NEK5: variants seen among roughly 807,000 people sequenced by gnomAD.
The protein encoded by NEK5 is NIMA related kinase 5, also known as serine/threonine-protein kinase Nek5.
NEK5 carries 88 observed loss-of-function variants against 109.2 expected under a neutral mutation model. The ratio of observed to expected loss-of-function variants is 0.81; its 90% CI spans 0.68 to 0.96. NEK5 has a LOEUF of 0.96. Ranked by LOEUF, NEK5 falls within the 40% of genes least tolerant of loss-of-function variation. NEK5 has a pLI of 0.00. For synonymous variants in NEK5, 283 were observed against 299.9 expected (o/e 0.94, Z 0.58); for missense variants, 834 against 920.7 (o/e 0.91, Z 1.22).
chr13:52,079,752 C>T (rs9568697), intron 17 of NEK5, among the ~76,000 whole-genome samples: 57,211 of 129,314 alleles, frequency 0.44, 11,459 homozygotes, highest in Non-Finnish European at 0.54. Flanking sequence ...CGTCTCTGCC[C>T]GGCCGCCCAT....
intron 13 of NEK5, 118 bp from the exon 14 acceptor site, chr13:52,089,431 C>A: frequency 1.6e-6 from 1 of 631,172 alleles, no homozygotes. Flanking sequence ...CTTGAAGTTC[C>A]AAGTTCAAGA....
At chr13:52,123,839 G>C (rs935082336) in intron 3 of NEK5, among the ~76,000 whole-genome samples, 1 of 143,926 alleles carries the variant, frequency 6.9e-6, no homozygotes, top group African/African-American at 2.4e-5. Context: ...GCTCAGCCTT[G>C]AACAAGTGGG....
At position 52,085,888 on chromosome 13, in the gene NEK5, T is replaced by C. The variant is rs140797622; in HGVS notation, c.1479+389A>G. Reference sequence around the variant, plus strand: ...CTGCAGAGAGTTGAAAAAATGCTAGTGTGTTGGGTTTGTTTTTTTCCCACC... The same window carrying C: ...CTGCAGAGAGTTGAAAAAATGCTAGCGTGTTGGGTTTGTTTTTTTCCCACC... On this transcript the variant is annotated intron_variant, in intron 16 of 23. Coordinates refer to ENST00000684899, the MANE Select transcript of NEK5 (RefSeq NM_001365552.1). Among the ~76,000 whole-genome samples, 5 of 152,272 alleles carry C rather than the reference T, an allele frequency of 3.3e-5. No individual in the cohort carries two copies. The East Asian group carries it at 9.6e-4, about 29-fold the overall frequency.
chr13:52,061,901 C>A lies in NEK5; in HGVS notation c.2028G>T (p.Arg676=), dbSNP rs950262783. ...EGIPGNRKQW[R]HEAPGTLMSV... ...TCATTAAAGTTCCTGGAGCTTCATGCCGCCACTGTTTCCTGTTTCCTGGAA... is the reference window on the plus strand; with the variant it reads ...TCATTAAAGTTCCTGGAGCTTCATGACGCCACTGTTTCCTGTTTCCTGGAA... Residue 676 remains arginine, a synonymous_variant, in exon 22 of 24, where the codon CGG becomes CGT. Transcript: ENST00000684899. 4 of 980,588 alleles carry A rather than the reference C, an allele frequency of 4.1e-6. No individual in the cohort carries two copies. Among genetic ancestry groups the A allele is most frequent in the Non-Finnish European group, 4.8e-6 (4 of 825,054 alleles). 60.7% of individuals were successfully genotyped at this position (980,588 alleles called of 1,614,324 possible).
chr13:52,057,333 G>C (rs1370294564), intron 22 of NEK5, among the ~76,000 whole-genome samples: 1 of 151,116 alleles, frequency 6.6e-6, no homozygotes, highest in East Asian at 1.9e-4. Flanking sequence ...AAGAGTCCAG[G>C]ACCAGATGGA....
chr13:52,106,197 C>T (rs969069966), intron 8 of NEK5, among the ~76,000 whole-genome samples: 2 of 151,796 alleles, frequency 1.3e-5, no homozygotes, highest in Non-Finnish European at 2.9e-5. Context: ...AAAAAAATCC[C>T]TGTTATTTTA....
At chr13:52,107,964 T>C (rs1233752427) in intron 8 of NEK5, among the ~76,000 whole-genome samples, 3 of 152,190 alleles carry the variant, frequency 2.0e-5, no homozygotes, top group Non-Finnish European at 4.4e-5. Flanking sequence ...AATCAGTATG[T>C]CTTTAAATGA....
chr13:52,078,061 C>T (rs367577816), intron 17 of NEK5, among the ~76,000 whole-genome samples: 3 of 146,448 alleles, frequency 2.0e-5, no homozygotes, highest in East Asian at 2.0e-4. Flanking sequence ...GCAACAAGGG[C>T]GAAACTTGTC....
At chr13:52,073,353 T>C (rs1008130072) in intron 19 of NEK5, among the ~76,000 whole-genome samples, 5 of 151,750 alleles carry the variant, frequency 3.3e-5, no homozygotes, top group Non-Finnish European at 5.9e-5. Context: ...TCTCACTCTG[T>C]TGCCCAGGCT....
At chr13:52,090,903 G>A (rs1360844168) in intron 13 of NEK5, among the ~76,000 whole-genome samples, 2 of 152,104 alleles carry the variant, frequency 1.3e-5, no homozygotes, top group African/African-American at 2.4e-5. Context: ...GCAGGCGCCT[G>A]TAGTCCCAGC....
chr13:52,033,887 T>C lies in NEK5; in HGVS notation c.*3061A>G, dbSNP rs1954332203. On this transcript the variant is annotated 3_prime_UTR_variant, in exon 24 of 24. Transcript: ENST00000684899. The stretch of plus-strand genomic sequence containing the variant: ...ACAATAGAAAAGTTAATTATATAAC[T>C]ACAACACGAAACACAAATTTTTAGA... 6.6e-6 allele frequency: 1 copy of C among 152,232 alleles called. No homozygotes were observed. The allele number at this position is 152,232 out of a possible 1,614,324, so 9.4% of individuals were successfully genotyped here. A position where few individuals can be genotyped will look rare whatever the true frequency, so the allele number is the denominator to read the frequency against.
Position 52,077,295 on chromosome 13 carries a change from G to A in NEK5, c.1573-1152C>T, listed in dbSNP as rs560992738. Among the ~76,000 whole-genome samples the A allele has an allele frequency of 1.8e-4, 27 of 152,218 alleles. No homozygotes were observed. The South Asian group carries it at 3.5e-3, about 20-fold the overall frequency. On this transcript the variant is annotated intron_variant, in intron 17 of 23. Transcript: ENST00000684899. Reference sequence around the variant, plus strand: ...AGTATCAGAAACCAGATTTAATTCCGCACCTGAAACAACCAAAGAGCCAAA... The same window carrying A: ...AGTATCAGAAACCAGATTTAATTCCACACCTGAAACAACCAAAGAGCCAAA...
rs760533265 is a variant in NEK5, at chr13:52,102,243, T to G, written c.659A>C (p.His220Pro). Reference sequence around the variant, plus strand: ...AAACCCCGGAGATATTGGGGCAAAATGTGCTTGACAAATCTTCAGAACCAG... The same window carrying G: ...AAACCCCGGAGATATTGGGGCAAAAGGTGCTTGACAAATCTTCAGAACCAG... ...QQLVLKICQA[H>P]FAPISPGFSR... The change falls in exon 10 of 24, where the codon CAT (histidine) becomes CCT (proline). Residue 220 changes from histidine (H) to proline (P), a missense_variant. Around this residue, in one of 2 missense-constraint regions of NEK5, gnomAD observed 777 missense variants for 824.7 expected, o/e 0.94. Transcript: ENST00000684899. The G allele has an allele frequency of 3.7e-6, 6 of 1,614,104 alleles. No individual in the cohort carries two copies. Among genetic ancestry groups the G allele is most frequent in the Non-Finnish European group, 5.1e-6 (6 of 1,180,014 alleles).
At chr13:52,106,989 C>T (rs986365367) in intron 8 of NEK5, among the ~76,000 whole-genome samples, 5 of 151,986 alleles carry the variant, frequency 3.3e-5, no homozygotes, top group African/African-American at 1.2e-4. Context: ...GTCACCAGAC[C>T]ACATTGTCTT....
chr13:52,087,730 A>G (rs968420935), intron 14 of NEK5, among the ~76,000 whole-genome samples: 1 of 151,568 alleles, frequency 6.6e-6, no homozygotes. Context: ...GGCTCAAGCA[A>G]TTGTCCTGTC....
chr13:52,121,477 G>T (rs9535874), intron 3 of NEK5, among the ~76,000 whole-genome samples: 7 of 152,220 alleles, frequency 4.6e-5, no homozygotes, highest in Non-Finnish European at 1.0e-4. Flanking sequence ...AATTCTTCTA[G>T]AAATTTATCC....
intron 22 of NEK5, among the ~76,000 whole-genome samples, chr13:52,050,600 C>T (rs1954495004): frequency 6.9e-6 from 1 of 145,400 alleles, no homozygotes; most frequent in African/African-American, 2.5e-5. Context: ...AAAGCACACA[C>T]ACACCTTCAT....
At chr13:52,101,173 C>T (rs1351335023) in intron 11 of NEK5, among the ~76,000 whole-genome samples, 3 of 152,032 alleles carry the variant, frequency 2.0e-5, no homozygotes, top group Admixed American at 6.6e-5. Flanking sequence ...CAGAGGCGGG[C>T]GGATCACGAG....
rs770559363 is a variant in NEK5, at chr13:52,127,469, T to A, written c.14A>T (p.Asp5Val). Residue 5 changes from aspartate to valine, a missense_variant, in exon 3 of 24, where the codon GAT (aspartate) becomes GTT (valine). Asp to Val is a radical substitution (Grantham distance 152, BLOSUM62 -3). Around this residue, in one of 2 missense-constraint regions of NEK5, gnomAD observed 777 missense variants for 824.7 expected, o/e 0.94. Coordinates refer to ENST00000684899, the MANE Select transcript of NEK5 (RefSeq NM_001365552.1). The stretch of plus-strand genomic sequence containing the variant: ...ACCTTGCCCGATGGCCTTAATCACA[T>A]CGTACTTATCCATGGTCTCCAATGG... MDKY[D>V]VIKAIGQGAF... 1.3e-6 allele frequency: 2 copies of A among 1,599,156 alleles called. No individual in the cohort carries two copies. The highest frequency in any genetic ancestry group is 2.7e-5 in the African/African-American group (2 of 74,600).
Sources: gnomAD v4.1 joint callset for allele counts (sites outside exome capture counted in the v4.1 genomes callset) on GRCh38, gnomAD v4.1.1 for gene constraint, gnomAD v4.1.1 regional missense constraint, MANE v1.5 for transcripts, NCBI Gene and HGNC (gene_info 2026-07-23, HGNC 2026-07-21) for gene names.